OMA1: variants seen among roughly 807,000 people sequenced by gnomAD.
OMA1 encodes the protein OMA1 zinc metallopeptidase, also known as metalloendopeptidase OMA1, mitochondrial.
OMA1 carries 38 observed loss-of-function variants against 30.9 expected under a neutral mutation model. That is an observed-to-expected ratio of 1.23 (90% CI 0.95 to 1.61). The LOEUF is 1.61. Among genes scored for constraint, OMA1 ranks in the 40% most tolerant of loss-of-function variants. The pLI is 0.00. For missense variants in OMA1, 461 were observed against 349.2 expected (o/e 1.32, Z -2.55); for synonymous variants, 173 against 121.9 (o/e 1.42, Z -2.76).
chr1:58,530,750 A>G (rs756585092), intron 5 of OMA1, 21 bp from the exon 6 acceptor site: 2 of 868,768 alleles, frequency 2.3e-6, no homozygotes, highest in African/African-American at 3.3e-5. Context: ...TCAAAATAAT[A>G]AAAACTACAT....
chr1:58,534,238 T>C lies in OMA1; in HGVS notation c.823A>G (p.Lys275Glu), dbSNP rs185273470. The C allele has an allele frequency of 3.4e-5, 30 of 872,056 alleles. No homozygotes were observed. In the Admixed American group the frequency reaches 5.1e-4, roughly 15 times the overall value. The allele number at this position is 872,056 out of a possible 1,614,324, so 54.0% of individuals were successfully genotyped here. A position where few individuals can be genotyped will look rare whatever the true frequency, so the allele number is the denominator to read the frequency against. Reference sequence around the variant, plus strand: ...ATCTGAGAGATCCCTGGAACATCTTTATTGCATTCAATTAGATGACAAAGC... The same window carrying C: ...ATCTGAGAGATCCCTGGAACATCTTCATTGCATTCAATTAGATGACAAAGC... ...EVLCHLIECN[K>E]DVPGISQINW... is the part of the protein sequence containing the mutation. Residue 275 changes from lysine (K) to glutamate (E), a missense_variant, in exon 4 of 9, where the codon AAA becomes GAA. Transcript: ENST00000371226.
At chr1:58,517,366 G>A (rs1411303276) in intron 7 of OMA1, among the ~76,000 whole-genome samples, 1 of 152,098 alleles carries the variant, frequency 6.6e-6, no homozygotes, top group Non-Finnish European at 1.5e-5. Context: ...TTCAATTCCT[G>A]GAATAAGCCA....
intron 7 of OMA1, among the ~76,000 whole-genome samples, chr1:58,513,108 G>A (rs867033053): frequency 1.3e-5 from 2 of 152,108 alleles, no homozygotes; most frequent in South Asian, 2.1e-4. Context: ...CCCATGTGTC[G>A]AGGGAGGGAC....
At position 58,530,731 on chromosome 1, in the gene OMA1, TAAG is replaced by T; in HGVS notation, c.1012-5_1012-3del. The T allele has an allele frequency of 1.1e-6, 1 of 871,744 alleles. No homozygotes were observed. The highest frequency in any genetic ancestry group is 2.0e-6 in the Non-Finnish European group (1 of 501,080). The allele number at this position is 871,744 out of a possible 1,614,324, so 54.0% of individuals were successfully genotyped here. A position where few individuals can be genotyped will look rare whatever the true frequency, so the allele number is the denominator to read the frequency against. The stretch of plus-strand genomic sequence containing the variant: ...ATGAACCATGCCAGCCTTTTCTGCC[TAAG>T]AATAATCAAAATAATAAAAACTACA... On this transcript the variant is annotated splice_region_variant and splice_polypyrimidine_tract_variant and intron_variant, in intron 5 of 8. Coordinates refer to ENST00000371226, the MANE Select transcript of OMA1 (RefSeq NM_145243.5).
intron 2 of OMA1, 48 bp from the exon 3 acceptor site, chr1:58,536,789 T>C: frequency 2.4e-6 from 2 of 833,684 alleles, no homozygotes; most frequent in Non-Finnish European, 4.1e-6. Context: ...TTCCAGCACA[T>C]ATCACTAAAG....
chr1:58,527,438 A>G (rs956849164), intron 6 of OMA1, 103 bp from the exon 7 acceptor site: 6 of 681,386 alleles, frequency 8.8e-6, no homozygotes, highest in Admixed American at 2.2e-5. Context: ...AGTATCTAGG[A>G]TAAAATTCCT....
At position 58,480,940 on chromosome 1, in the gene OMA1, T is replaced by C. The variant is rs774385366; in HGVS notation, c.*25A>G. On this transcript the variant is annotated 3_prime_UTR_variant, in exon 9 of 9. Transcript: ENST00000371226. Reference sequence around the variant, plus strand: ...GATAAGGACTGCAACATTCTTCATATATCTTGTGTCTCATAAATTTTAATT... The same window carrying C: ...GATAAGGACTGCAACATTCTTCATACATCTTGTGTCTCATAAATTTTAATT... The C allele has an allele frequency of 2.4e-6, 2 of 843,792 alleles. No homozygotes were observed. Among genetic ancestry groups the C allele is most frequent in the Non-Finnish European group, 4.1e-6 (2 of 488,746 alleles). The allele number at this position is 843,792 out of a possible 1,614,324, so 52.3% of individuals were successfully genotyped here.
intron 7 of OMA1, among the ~76,000 whole-genome samples, chr1:58,518,783 T>A (rs533352981): frequency 7.9e-5 from 12 of 152,210 alleles, no homozygotes; most frequent in Admixed American, 1.3e-4. Context: ...AGATAATGTA[T>A]CTGTGAAATA....
chr1:58,486,758 G>T (rs1645582171), intron 8 of OMA1, among the ~76,000 whole-genome samples: 1 of 152,206 alleles, frequency 6.6e-6, no homozygotes, highest in Admixed American at 6.5e-5. Flanking sequence ...GCCTCCCCAG[G>T]ACAGTGACAT....
chr1:58,525,250 CTG>C (rs1174106226), intron 7 of OMA1, among the ~76,000 whole-genome samples: 1 of 152,106 alleles, frequency 6.6e-6, no homozygotes, highest in East Asian at 1.9e-4. Context: ...CATGGTTCAC[CTG>C]TGAGTTTTTT....
intron 8 of OMA1, among the ~76,000 whole-genome samples, chr1:58,493,751 C>G (rs1342649969): frequency 6.6e-6 from 1 of 151,826 alleles, no homozygotes; most frequent in Non-Finnish European, 1.5e-5. Flanking sequence ...CAAACCACTG[C>G]TCAAGGAAAT....
intron 8 of OMA1, among the ~76,000 whole-genome samples, chr1:58,498,022 G>A (rs909166724): frequency 5.3e-5 from 8 of 152,080 alleles, no homozygotes; most frequent in African/African-American, 1.9e-4. Flanking sequence ...GAAGCATAGA[G>A]AGAAAATTAT....
In OMA1 at chr1:58,529,843, G is replaced by A. The variant is rs1174246254; in HGVS notation, c.1140+758C>T. On this transcript the variant is annotated intron_variant, in intron 6 of 8. Transcript: ENST00000371226. ...AGAGATGATTTAAAGTATATGAGAG[G>A]ATGTGCATAGTTACATGCAAACACC... Among the ~76,000 whole-genome samples the A allele has an allele frequency of 4.6e-5, 7 of 152,170 alleles. No homozygotes were observed. In the East Asian group the frequency reaches 1.2e-3, roughly 25 times the overall value.
intron 7 of OMA1, among the ~76,000 whole-genome samples, chr1:58,506,566 T>C (rs115691798): frequency 3.9e-5 from 6 of 152,170 alleles, no homozygotes; most frequent in African/African-American, 1.2e-4. Context: ...CCTTCCCATA[T>C]ACAACATTCA....
chr1:58,496,475 TTTTAAG>T (rs1185259373), intron 8 of OMA1, among the ~76,000 whole-genome samples: 1 of 152,154 alleles, frequency 6.6e-6, no homozygotes, highest in Non-Finnish European at 1.5e-5. Flanking sequence ...AAAGTAACAT[TTTTAAG>T]TTTGACTTGA....
Position 58,530,594 on chromosome 1 carries a change from G to T in OMA1, c.1140+7C>A. The stretch of plus-strand genomic sequence containing the variant: ...ATGATCAATTCAAGTTATTGTCTCA[G>T]ACTTACCTCCTGCAATTTAGACTGT... On this transcript the variant is annotated splice_region_variant and intron_variant, in intron 6 of 8. Transcript: ENST00000371226. The T allele has an allele frequency of 1.1e-6, 1 of 871,096 alleles. No individual in the cohort carries two copies. Among genetic ancestry groups the T allele is most frequent in the South Asian group, 1.3e-5 (1 of 76,296 alleles). 54.0% of individuals were successfully genotyped at this position (871,096 alleles called of 1,614,324 possible). A position where few individuals can be genotyped will look rare whatever the true frequency, so the allele number is the denominator to read the frequency against.
At chr1:58,514,951 T>A (rs1350501937) in intron 7 of OMA1, among the ~76,000 whole-genome samples, 2 of 152,280 alleles carry the variant, frequency 1.3e-5, no homozygotes, top group East Asian at 3.9e-4. Flanking sequence ...AGGGTTGTTA[T>A]GAAGATCAAA....
At chr1:58,516,685 GT>G (rs1293061566) in intron 7 of OMA1, among the ~76,000 whole-genome samples, 1 of 152,124 alleles carries the variant, frequency 6.6e-6, no homozygotes, top group Non-Finnish European at 1.5e-5. Context: ...GAGTAACATC[GT>G]TTTTGTGAAT....
At chr1:58,501,180 T>C (rs1645900746) in intron 8 of OMA1, among the ~76,000 whole-genome samples, 1 of 152,230 alleles carries the variant, frequency 6.6e-6, no homozygotes, top group Non-Finnish European at 1.5e-5. Flanking sequence ...TAAATGCTAA[T>C]GGATCACAAG....
Sources: gnomAD v4.1 joint callset for allele counts (sites outside exome capture counted in the v4.1 genomes callset) on GRCh38, gnomAD v4.1.1 for gene constraint, MANE v1.5 for transcripts, NCBI Gene and HGNC (gene_info 2026-07-23, HGNC 2026-07-21) for gene names.